Variants in SMARCA2 observed in about 807,000 individuals in gnomAD.
The protein encoded by SMARCA2 is SWI/SNF related BAF chromatin remodeling complex subunit ATPase 2.
Under a neutral mutation model 199.8 loss-of-function variants are expected in SMARCA2, and 61 were observed. The observed-to-expected ratio is 0.31, with a 90% confidence interval of 0.25 to 0.38. The LOEUF (loss-of-function observed/expected upper bound fraction) is 0.38, where lower values mean the gene tolerates loss of function less well. SMARCA2 is among the 10% of genes least tolerant of loss of function. The pLI is 1.00. For missense variants in SMARCA2, 1,344 were observed against 2,012.2 expected (o/e 0.67, Z 6.35); for synonymous variants, 935 against 732.0 (o/e 1.28, Z -4.48).
chr9:2,137,523 C>G (rs1004034879), intron 27 of SMARCA2, among the ~76,000 whole-genome samples: 6 of 152,146 alleles, frequency 3.9e-5, no homozygotes, highest in African/African-American at 1.4e-4. Context: ...GTGGCTGTCT[C>G]CTCCTTGTCC....
intron 26 of SMARCA2, among the ~76,000 whole-genome samples, chr9:2,122,588 C>CA (rs1420839642): frequency 2.6e-5 from 4 of 152,186 alleles, no homozygotes; most frequent in African/African-American, 9.7e-5. Flanking sequence ...AATGTAATGA[C>CA]TTCCAAAAAT....
At chr9:2,192,405 A>T in intron 33 of SMARCA2, 1 of 340,560 alleles carries the variant, frequency 2.9e-6, no homozygotes, top group South Asian at 4.0e-5. Context: ...TGAATTTTCT[A>T]AAACCTGGGG....
At chr9:2,159,960 C>G in intron 27 of SMARCA2, 1 of 1,572,102 alleles carries the variant, frequency 6.4e-7, no homozygotes, top group East Asian at 2.3e-5. Flanking sequence ...AACTACATCC[C>G]AGGCATGTGT....
At chr9:2,079,566 G>A (rs1483535779) in intron 14 of SMARCA2, among the ~76,000 whole-genome samples, 1 of 152,178 alleles carries the variant, frequency 6.6e-6, no homozygotes, top group African/African-American at 2.4e-5. Context: ...CCTTAGTATT[G>A]TCATGCTAAT....
Position 2,134,873 on chromosome 9 carries a change from A to T in SMARCA2, c.3981+10936A>T, listed in dbSNP as rs529183337. On this transcript the variant is annotated intron_variant, in intron 27 of 33. Coordinates refer to ENST00000349721, the MANE Select transcript of SMARCA2 (RefSeq NM_003070.5). ...CTGCAAGCTGTAAGAGGGCTCTCAC[A>T]GAATCCAATCATGCTATACCCTATC... Among the ~76,000 whole-genome samples, 16 of 152,314 alleles carry T rather than the reference A, an allele frequency of 1.1e-4. No homozygotes were observed. In the South Asian group the frequency reaches 2.3e-3, roughly 22 times the overall value.
intron 27 of SMARCA2, among the ~76,000 whole-genome samples, chr9:2,141,664 C>G (rs1586747562): frequency 6.6e-6 from 1 of 152,090 alleles, no homozygotes; most frequent in African/African-American, 2.4e-5. Flanking sequence ...CCCCATTTCT[C>G]TGGCCTATTT....
At chr9:2,081,313 T>C (rs1323491887) in intron 14 of SMARCA2, among the ~76,000 whole-genome samples, 1 of 152,230 alleles carries the variant, frequency 6.6e-6, no homozygotes, top group East Asian at 1.9e-4. Flanking sequence ...AGTTCCCATG[T>C]GCTGTCTGGG....
chr9:2,021,912 G>A (rs1243995795), intron 1 of SMARCA2: 1 of 149,640 alleles, frequency 6.7e-6, no homozygotes, highest in African/African-American at 2.6e-5. Context: ...GGGGAGGGCA[G>A]AGGTGGGGGT....
At chr9:2,029,332 T>C in intron 2 of SMARCA2, 85 bp downstream of exon 2, 1 of 1,520,194 alleles carries the variant, frequency 6.6e-7, no homozygotes, top group Non-Finnish European at 8.8e-7. Context: ...CTTTCTACTG[T>C]TGTTAACAAG....
At chr9:2,179,821 G>A (rs1012705787) in intron 29 of SMARCA2, among the ~76,000 whole-genome samples, 1 of 152,156 alleles carries the variant, frequency 6.6e-6, no homozygotes, top group Admixed American at 6.5e-5. Flanking sequence ...TTAAATCCGC[G>A]ATTACAAAGA....
At chr9:2,075,574 A>G (rs915506137) in intron 12 of SMARCA2, among the ~76,000 whole-genome samples, 1 of 152,240 alleles carries the variant, frequency 6.6e-6, no homozygotes, top group African/African-American at 2.4e-5. Context: ...TGTGTTTACA[A>G]GATCCAGGTC....
intron 29 of SMARCA2, among the ~76,000 whole-genome samples, chr9:2,171,824 C>A (rs545088122): frequency 3.9e-5 from 6 of 152,190 alleles, no homozygotes; most frequent in Non-Finnish European, 8.8e-5. Context: ...CAGGCAGGAG[C>A]TCCTTTCCCT....
chr9:2,160,700 G>T (rs775418819), intron 27 of SMARCA2: 1 of 654,216 alleles, frequency 1.5e-6, no homozygotes. Context: ...ATATTGAGAG[G>T]CAGGAGGAAC....
intron 1 of SMARCA2, among the ~76,000 whole-genome samples, chr9:2,021,310 A>G (rs2130131467): frequency 6.6e-6 from 1 of 152,370 alleles, no homozygotes; most frequent in Admixed American, 6.5e-5. Flanking sequence ...AAAAAAAACA[A>G]AAACAACTAA....
chr9:2,053,375 A>G (rs2130326675), intron 5 of SMARCA2, among the ~76,000 whole-genome samples: 1 of 152,326 alleles, frequency 6.6e-6, no homozygotes, highest in East Asian at 1.9e-4. Context: ...GTTGAGGTCC[A>G]GGAAGGTTCT....
intron 27 of SMARCA2, among the ~76,000 whole-genome samples, chr9:2,137,894 G>T (rs1197829527): frequency 6.6e-6 from 1 of 152,196 alleles, no homozygotes; most frequent in African/African-American, 2.4e-5. Context: ...ATGAGTCAAG[G>T]TAGAAATTGT....
At chr9:2,173,245 C>G (rs1826353129) in intron 29 of SMARCA2, among the ~76,000 whole-genome samples, 1 of 152,208 alleles carries the variant, frequency 6.6e-6, no homozygotes, top group Non-Finnish European at 1.5e-5. Flanking sequence ...TACACCATCA[C>G]AGGACAGCTG....
At chr9:2,025,309 A>G (rs902186633) in intron 1 of SMARCA2, among the ~76,000 whole-genome samples, 5 of 152,132 alleles carry the variant, frequency 3.3e-5, no homozygotes, top group African/African-American at 1.2e-4. Context: ...GGGACCAGCA[A>G]TGCATGTGTA....
intron 31 of SMARCA2, among the ~76,000 whole-genome samples, chr9:2,185,769 G>A (rs1827396452): frequency 6.6e-6 from 1 of 152,154 alleles, no homozygotes; most frequent in Admixed American, 6.5e-5. Context: ...TCTTACTACA[G>A]CATTTGGTAG....
Sources: allele counts gnomAD v4.1 joint callset (sites outside exome capture counted in the v4.1 genomes callset), GRCh38; gene constraint gnomAD v4.1.1; transcripts MANE v1.5; gene names NCBI Gene and HGNC (gene_info 2026-07-23, HGNC 2026-07-21).